Variants in LMCD1 observed in about 807,000 individuals in gnomAD.
LMCD1 encodes the protein LIM and cysteine-rich domains protein 1.
A neutral mutation model predicts 42.7 loss-of-function variants in LMCD1; 32 were observed. The ratio of observed to expected loss-of-function variants is 0.75; its 90% CI spans 0.57 to 1.01. The LOEUF (loss-of-function observed/expected upper bound fraction) is 1.01, where lower values mean the gene tolerates loss of function less well. LMCD1 is among the 50% of genes least tolerant of loss of function. The pLI is 0.00. For synonymous variants in LMCD1, 178 were observed against 184.9 expected, an observed-to-expected ratio of 0.96 and a Z score of 0.30; for missense variants, 458 against 483.1, an observed-to-expected ratio of 0.95 and a Z score of 0.49.
chr3:8,561,542 G>T (rs1446645200), intron 4 of LMCD1, among the ~76,000 whole-genome samples: 1 of 152,220 alleles, frequency 6.6e-6, no homozygotes, highest in Non-Finnish European at 1.5e-5. Flanking sequence ...TTGGCCATGG[G>T]CCGTAGCTTA....
intron 3 of LMCD1, among the ~76,000 whole-genome samples, chr3:8,538,375 T>A (rs6776597): frequency 0.48 from 73,514 of 152,076 alleles, 18,480 homozygotes; most frequent in Non-Finnish European, 0.53. Flanking sequence ...GATTTCTATA[T>A]GTTAATACAA....
intron 1 of LMCD1, among the ~76,000 whole-genome samples, chr3:8,511,455 T>C (rs17049227): frequency 0.013 from 2,025 of 152,302 alleles, 58 homozygotes; most frequent in African/African-American, 0.047. Context: ...CAAAGAATCA[T>C]AGCAGTGCCT....
chr3:8,530,738 T>C (rs1340854037), intron 1 of LMCD1, among the ~76,000 whole-genome samples: 2 of 152,226 alleles, frequency 1.3e-5, no homozygotes, highest in Non-Finnish European at 2.9e-5. Context: ...CTAGGAGAAC[T>C]GAAGGTGTCA....
chr3:8,570,690 CA>C lies in LMCD1; in HGVS notation c.*3093del, dbSNP rs1695200327. 6.6e-6 allele frequency: 1 copy of C among 152,264 alleles called. No homozygotes were observed. 9.4% of individuals were successfully genotyped at this position (152,264 alleles called of 1,614,324 possible). A position where few individuals can be genotyped will look rare whatever the true frequency, so the allele number is the denominator to read the frequency against. ...ACGGGAACTCACCCTCTCCACCCAC[CA>C]CTTCCAGATGAATTGCTCAGAAACA... On this transcript the variant is annotated 3_prime_UTR_variant, in exon 6 of 6. Coordinates refer to ENST00000157600, the MANE Select transcript of LMCD1 (RefSeq NM_014583.4).
intron 4 of LMCD1, among the ~76,000 whole-genome samples, chr3:8,561,833 C>T (rs1384424373): frequency 3.9e-5 from 6 of 151,930 alleles, no homozygotes; most frequent in African/African-American, 7.3e-5. Flanking sequence ...GATGCAGACA[C>T]GCTGTAGGGA....
intron 4 of LMCD1, among the ~76,000 whole-genome samples, chr3:8,559,717 C>T (rs530035211): frequency 1.3e-4 from 20 of 152,276 alleles, no homozygotes; most frequent in Middle Eastern, 3.4e-3. Context: ...GACCACCAGA[C>T]GATAGATCCA....
In LMCD1 at chr3:8,572,565, AG is replaced by A. The variant is rs1454546195; in HGVS notation, c.*4968del. 1 of 152,194 alleles carries A rather than the reference AG, an allele frequency of 6.6e-6. No individual in the cohort carries two copies. Among genetic ancestry groups the A allele is most frequent in the East Asian group, 1.9e-4 (1 of 5,200 alleles). The allele number at this position is 152,194 out of a possible 1,614,324, so 9.4% of individuals were successfully genotyped here. On this transcript the variant is annotated 3_prime_UTR_variant, in exon 6 of 6. Transcript: ENST00000157600. ...GTTTTTCTAATTCAATCATTTCTTT[AG>A]TGTTTATTAGCATTCTACTATAAGG... is the stretch of plus-strand genomic sequence containing the variant.
chr3:8,539,816 ATTATTAT>A (rs1372867773), intron 3 of LMCD1, among the ~76,000 whole-genome samples: 2 of 147,432 alleles, frequency 1.4e-5, no homozygotes, highest in Non-Finnish European at 3.0e-5. Context: ...TATTATTATT[ATTATTAT>A]TATTATTATT....
At chr3:8,550,989 T>C (rs959824794) in intron 4 of LMCD1, 9 of 985,222 alleles carry the variant, frequency 9.1e-6, no homozygotes, top group African/African-American at 5.2e-5. Context: ...TAGGAAATGA[T>C]TGTGAACTTG....
rs186970026 is a variant in LMCD1 at position 8,551,340 on chromosome 3, G to A, written c.723+2437G>A. 10 of 985,252 alleles carry A rather than the reference G, an allele frequency of 1.0e-5. No homozygotes were observed. The East Asian group carries it at 7.9e-4, about 78-fold the overall frequency. 61.0% of individuals were successfully genotyped at this position (985,252 alleles called of 1,614,324 possible). ...GGATGGCCAATTTGCCTAGGCGGAC[G>A]GTGCGATTCCAGTTCCACATTTATT... On this transcript the variant is annotated intron_variant, in intron 4 of 5. Coordinates refer to ENST00000157600, the MANE Select transcript of LMCD1 (RefSeq NM_014583.4).
Position 8,571,092 on chromosome 3 carries a change from C to A in LMCD1, c.*3494C>A, listed in dbSNP as rs1183359397. 1.3e-5 allele frequency: 2 copies of A among 152,178 alleles called. 1 individual carries two copies. Among genetic ancestry groups the A allele is most frequent in the East Asian group, 3.9e-4 (2 of 5,188 alleles). 9.4% of individuals were successfully genotyped at this position (152,178 alleles called of 1,614,324 possible). A position where few individuals can be genotyped will look rare whatever the true frequency, so the allele number is the denominator to read the frequency against. ...GCAGGAAGAGGGGCTGCCATCCCCA[C>A]CCCTCCCACTCTCTAGGAAGACTTT... is the stretch of plus-strand genomic sequence containing the variant. On this transcript the variant is annotated 3_prime_UTR_variant, in exon 6 of 6. Coordinates refer to ENST00000157600, the MANE Select transcript of LMCD1 (RefSeq NM_014583.4).
chr3:8,508,317 A>G (rs1034894898), intron 1 of LMCD1, among the ~76,000 whole-genome samples: 61 of 152,116 alleles, frequency 4.0e-4, no homozygotes, highest in African/African-American at 1.4e-3. Context: ...ACCAAGCCAA[A>G]CATGGCCTGG....
At chr3:8,503,689 A>C (rs1693815957) in intron 1 of LMCD1, among the ~76,000 whole-genome samples, 1 of 152,184 alleles carries the variant, frequency 6.6e-6, no homozygotes, top group Non-Finnish European at 1.5e-5. Flanking sequence ...CTGTTTGCAT[A>C]GGCTTCATTT....
chr3:8,560,183 T>C (rs1695007536), intron 4 of LMCD1, among the ~76,000 whole-genome samples: 1 of 124,258 alleles, frequency 8.0e-6, no homozygotes, highest in African/African-American at 3.5e-5. Context: ...GAGGATCCTT[T>C]GAGCTCCGGA....
chr3:8,551,253 CAATA>C (rs1454390645), intron 4 of LMCD1: 2 of 984,620 alleles, frequency 2.0e-6, no homozygotes, highest in African/African-American at 3.5e-5. Flanking sequence ...AGCCATTGCT[CAATA>C]AATATGTGAC....
In LMCD1 at chr3:8,572,530, C is replaced by A. The variant is rs146719075; in HGVS notation, c.*4932C>A. Reference sequence around the variant, plus strand: ...GAACTAATTATTATTATGATAGTTGCCAAATGTTGGTTTTTCTAATTCAAT... The same window carrying A: ...GAACTAATTATTATTATGATAGTTGACAAATGTTGGTTTTTCTAATTCAAT... On this transcript the variant is annotated 3_prime_UTR_variant, in exon 6 of 6. Transcript: ENST00000157600. 1 of 152,096 alleles carries A rather than the reference C, an allele frequency of 6.6e-6. No individual in the cohort carries two copies. Among genetic ancestry groups the A allele is most frequent in the African/African-American group, 2.4e-5 (1 of 41,420 alleles). The allele number at this position is 152,096 out of a possible 1,614,324, so 9.4% of individuals were successfully genotyped here.
chr3:8,515,536 G>T (rs1054269316), intron 1 of LMCD1, among the ~76,000 whole-genome samples: 3 of 152,150 alleles, frequency 2.0e-5, no homozygotes, highest in African/African-American at 7.2e-5. Flanking sequence ...ATCATATCCT[G>T]TTTATGCTGA....
In LMCD1 at chr3:8,537,305, G is replaced by T; in HGVS notation, c.252G>T (p.Arg84=). Residue 84 remains arginine, a synonymous_variant, in exon 3 of 6, where the codon CGG becomes CGT. Coordinates refer to ENST00000157600, the MANE Select transcript of LMCD1 (RefSeq NM_014583.4). ...MDSKYSTLTA[R]VKGGDGIRIY... ...CCAAGTATTCCACCCTCACTGCTCG[G>T]GTGAAAGGCGGGGACGGCATCCGGA... 6.2e-7 allele frequency: 1 copy of T among 1,614,076 alleles called. No individual in the cohort carries two copies. The highest frequency in any genetic ancestry group is 8.5e-7 in the Non-Finnish European group (1 of 1,180,022).
intron 2 of LMCD1, among the ~76,000 whole-genome samples, chr3:8,534,253 A>G (rs770284992): frequency 2.0e-5 from 3 of 151,618 alleles, no homozygotes; most frequent in Admixed American, 6.6e-5. Context: ...AAGGACCTCA[A>G]TCCTGTGCTC....
Sources: allele counts gnomAD v4.1 joint callset (sites outside exome capture counted in the v4.1 genomes callset), GRCh38; gene constraint gnomAD v4.1.1; transcripts MANE v1.5; gene names NCBI Gene and HGNC (gene_info 2026-07-23, HGNC 2026-07-21).